DNAI2: variants seen among roughly 807,000 people sequenced by gnomAD.
DNAI2 encodes dynein axonemal intermediate chain 2, also known as dynein, axonemal, intermediate polypeptide 2.
DNAI2 carries 63 observed loss-of-function variants against 74.7 expected under a neutral mutation model. The observed-to-expected ratio is 0.84, with a 90% CI of 0.69 to 1.04. DNAI2 has a LOEUF of 1.04. Ranked by LOEUF, DNAI2 falls within the 50% of genes least tolerant of loss-of-function variation. The probability of loss-of-function intolerance (pLI) is 0.00; values close to 1 mark genes in which losing one functional copy is unlikely to be tolerated. For missense variants in DNAI2, 688 were observed against 803.2 expected (o/e 0.86, Z 1.73); for synonymous variants, 289 against 314.9 (o/e 0.92, Z 0.87).
Position 74,309,824 on chromosome 17 carries a change from G to A in DNAI2, c.1348-193G>A, listed in dbSNP as rs997455754. 6.0e-5 allele frequency: 43 copies of A among 716,936 alleles called. No homozygotes were observed. In the African/African-American group the frequency reaches 6.8e-4, roughly 11 times the overall value. 44.4% of individuals were successfully genotyped at this position (716,936 alleles called of 1,614,324 possible). On this transcript the variant is annotated intron_variant, in intron 10 of 13. Transcript: ENST00000311014. ...TGTGAGGCGGAACTGAAGGGGTGGGGCGGGAGATGAGGCAGGGAAGCCAGG... is the reference window on the plus strand; with the variant it reads ...TGTGAGGCGGAACTGAAGGGGTGGGACGGGAGATGAGGCAGGGAAGCCAGG...
chr17:74,291,727 G>A (rs1320390435), intron 6 of DNAI2, among the ~76,000 whole-genome samples: 1 of 152,218 alleles, frequency 6.6e-6, no homozygotes, highest in Admixed American at 6.5e-5. Flanking sequence ...CCGCCATAAA[G>A]GGATGATGAG....
At chr17:74,295,689 T>C (rs1010296208) in intron 6 of DNAI2, among the ~76,000 whole-genome samples, 4 of 152,212 alleles carry the variant, frequency 2.6e-5, no homozygotes, top group African/African-American at 9.6e-5. Flanking sequence ...TGATTTAATG[T>C]GGCAACTTTG....
chr17:74,292,959 A>G (rs1010929461), intron 6 of DNAI2, among the ~76,000 whole-genome samples: 3 of 151,798 alleles, frequency 2.0e-5, no homozygotes, highest in Admixed American at 6.6e-5. Context: ...CCTTCCGAGT[A>G]GCTGGGACTA....
chr17:74,301,789 G>A (rs987733068), intron 8 of DNAI2, among the ~76,000 whole-genome samples: 5 of 138,042 alleles, frequency 3.6e-5, no homozygotes, highest in Admixed American at 2.2e-4. Flanking sequence ...CCCACCGCCC[G>A]CCCAGTCTTT....
At chr17:74,292,967 C>A (rs1256348201) in intron 6 of DNAI2, among the ~76,000 whole-genome samples, 5 of 152,004 alleles carry the variant, frequency 3.3e-5, no homozygotes, top group Non-Finnish European at 7.4e-5. Context: ...GTAGCTGGGA[C>A]TACAGGTGCC....
At chr17:74,305,501 C>A in intron 9 of DNAI2, 59 bp downstream of exon 9, 1 of 1,517,532 alleles carries the variant, frequency 6.6e-7, no homozygotes, top group Non-Finnish European at 9.1e-7. Flanking sequence ...ATGGAGGGAG[C>A]CCAGCTGGGC....
chr17:74,291,877 T>C (rs1361483257), intron 6 of DNAI2, among the ~76,000 whole-genome samples: 1 of 151,780 alleles, frequency 6.6e-6, no homozygotes, highest in Non-Finnish European at 1.5e-5. Flanking sequence ...ATTTTTTTTT[T>C]TTTTGAGATG....
At chr17:74,296,715 T>A (rs1203440568) in intron 6 of DNAI2, among the ~76,000 whole-genome samples, 1 of 152,060 alleles carries the variant, frequency 6.6e-6, no homozygotes, top group Non-Finnish European at 1.5e-5. Flanking sequence ...ACCAGACCGG[T>A]CAGATAATGA....
At chr17:74,293,279 G>A (rs2052237401) in intron 6 of DNAI2, among the ~76,000 whole-genome samples, 1 of 152,122 alleles carries the variant, frequency 6.6e-6, no homozygotes, top group Admixed American at 6.5e-5. Flanking sequence ...TTGTTGAATT[G>A]TCTATTTCTC....
intron 6 of DNAI2, among the ~76,000 whole-genome samples, chr17:74,294,892 A>C (rs1258115325): frequency 6.6e-6 from 1 of 151,820 alleles, no homozygotes; most frequent in East Asian, 1.9e-4. Context: ...GTATGTTGGC[A>C]TGCTTGATGG....
chr17:74,305,418 G>C lies in DNAI2; in HGVS notation c.1187G>C (p.Arg396Pro), dbSNP rs780180539. The C allele has an allele frequency of 1.2e-6, 2 of 1,614,134 alleles. No homozygotes were observed. The highest frequency in any genetic ancestry group is 8.5e-7 in the Non-Finnish European group (1 of 1,180,024). Residue 396 changes from arginine to proline, a missense_variant, in exon 9 of 14, where the codon CGG (arginine) becomes CCG (proline). Coordinates refer to ENST00000311014, the MANE Select transcript of DNAI2 (RefSeq NM_023036.6). ...WTARIWSEDSRESSIMWTKYH... is the reference protein window; with the variant it reads ...WTARIWSEDSPESSIMWTKYH... ...GCCCGCATTTGGTCTGAAGACAGCCGGGAATCGTCCATCATGTGGACCAAG... is the reference window on the plus strand; with the variant it reads ...GCCCGCATTTGGTCTGAAGACAGCCCGGAATCGTCCATCATGTGGACCAAG...
rs993562534 is a variant in DNAI2, at chr17:74,300,094, G to A, written c.864+237G>A. On this transcript the variant is annotated intron_variant, in intron 7 of 13. Transcript: ENST00000311014. The surrounding 1 kb of genome is among the most constrained non-coding windows in gnomAD (Gnocchi z 4.5). ...CTCCCAAGTAGCTGGGATTACAGGC[G>A]CCTGCCACTATGCCTGGTTAATTTT... 7.9e-5 allele frequency among the ~76,000 whole-genome samples: 12 copies of A among 152,146 alleles called. No individual in the cohort carries two copies. The highest frequency in any genetic ancestry group is 3.4e-3 in the Middle Eastern group (1 of 294).
At position 74,307,070 on chromosome 17, in the gene DNAI2, G is replaced by A. The variant is rs117123801; in HGVS notation, c.1211+1628G>A. The A allele has an allele frequency of 3.6e-4, 116 of 322,528 alleles. No homozygotes were observed. In the East Asian group the frequency reaches 0.011, roughly 29 times the overall value. 20.0% of individuals were successfully genotyped at this position (322,528 alleles called of 1,614,324 possible). ...TGCTTTGGGAGCAGAAACCTGGTTC[G>A]ATGTCCTCATTCTACAGGGGTGGGA... On this transcript the variant is annotated intron_variant, in intron 9 of 13. Coordinates refer to ENST00000311014, the MANE Select transcript of DNAI2 (RefSeq NM_023036.6).
rs1490067867 is a variant in DNAI2 at position 74,281,837 on chromosome 17, A to G, written c.20A>G (p.Tyr7Cys). 3 of 1,613,946 alleles carry G rather than the reference A, an allele frequency of 1.9e-6. No individual in the cohort carries two copies. The East Asian group carries it at 6.7e-5, about 36-fold the overall frequency. MEIVYV[Y>C]VKKRSEFGKQ... The stretch of plus-strand genomic sequence containing the variant: ...GGCACCATGGAGATTGTGTACGTGT[A>G]CGTCAAGAAGCGCAGCGAGTTCGGG... Residue 7 changes from tyrosine (Y) to cysteine (C), a missense_variant, in exon 2 of 14, where the codon TAC becomes TGC. By Grantham distance (194) the Tyr-to-Cys change is radical. Coordinates refer to ENST00000311014, the MANE Select transcript of DNAI2 (RefSeq NM_023036.6).
At chr17:74,294,779 A>AT (rs1003621685) in intron 6 of DNAI2, among the ~76,000 whole-genome samples, 7 of 151,378 alleles carry the variant, frequency 4.6e-5, no homozygotes, top group African/African-American at 1.7e-4. Context: ...TGTGTAGATT[A>AT]TTTTTTTAAA....
rs188373973 is a variant in DNAI2, at chr17:74,314,237, C to T, written c.*21C>T. 3.9e-5 allele frequency: 63 copies of T among 1,613,764 alleles called. No homozygotes were observed. Among genetic ancestry groups the T allele is most frequent in the Non-Finnish European group, 4.7e-5 (56 of 1,179,754 alleles). On this transcript the variant is annotated 3_prime_UTR_variant, in exon 13 of 14. Coordinates refer to ENST00000311014, the MANE Select transcript of DNAI2 (RefSeq NM_023036.6). The stretch of plus-strand genomic sequence containing the variant: ...CCTAGAAGTCAGCCTTCGACTGCGG[C>T]GCTATCCCTGTGTGCCTTCCTTTCC...
At chr17:74,307,381 C>T (rs1190218426) in intron 9 of DNAI2, 1 of 449,614 alleles carries the variant, frequency 2.2e-6, no homozygotes, top group Non-Finnish European at 4.5e-6. Context: ...AATATTTGAC[C>T]CTGGGCCAGG....
chr17:74,293,226 A>G (rs1233246248), intron 6 of DNAI2, among the ~76,000 whole-genome samples: 1 of 152,102 alleles, frequency 6.6e-6, no homozygotes, highest in Non-Finnish European at 1.5e-5. Flanking sequence ...CGTAGTAATT[A>G]TGTCTATTAT....
At position 74,300,941 on chromosome 17, in the gene DNAI2, G is replaced by A. The variant is rs1273959510; in HGVS notation, c.865-105G>A. On this transcript the variant is annotated intron_variant, in intron 7 of 13. Coordinates refer to ENST00000311014, the MANE Select transcript of DNAI2 (RefSeq NM_023036.6). This position sits in a 1 kb window ranked among gnomAD's most constrained non-coding sequence, Gnocchi z 4.5. ...CGAATTGCCGGGAGCTCCATCCTTTGTGGCCCAGTGGCTGACCCCAGGACG... is the reference window on the plus strand; with the variant it reads ...CGAATTGCCGGGAGCTCCATCCTTTATGGCCCAGTGGCTGACCCCAGGACG... 9.8e-6 allele frequency: 15 copies of A among 1,523,470 alleles called. No homozygotes were observed. The highest frequency in any genetic ancestry group is 2.3e-4 in the Middle Eastern group (1 of 4,394). 94.4% of individuals were successfully genotyped at this position (1,523,470 alleles called of 1,614,324 possible).
Sources: allele counts gnomAD v4.1 joint callset (sites outside exome capture counted in the v4.1 genomes callset), GRCh38; gene constraint gnomAD v4.1.1; non-coding constraint Gnocchi (gnomAD v3.1); transcripts MANE v1.5; gene names NCBI Gene and HGNC (gene_info 2026-07-23, HGNC 2026-07-21).